ACACA: variants seen among roughly 807,000 people sequenced by gnomAD.
The protein encoded by ACACA is acetyl-CoA carboxylase alpha.
ACACA carries 103 observed loss-of-function variants against 296.1 expected under a neutral mutation model. The observed-to-expected ratio is 0.35, with a 90% CI of 0.30 to 0.41. The LOEUF (loss-of-function observed/expected upper bound fraction) is 0.41, where lower values mean the gene tolerates loss of function less well. Among genes scored for constraint, ACACA ranks in the 10% least tolerant of loss-of-function variants. ACACA has a pLI of 1.00. For missense variants in ACACA, 1,554 were observed against 2,989.7 expected (o/e 0.52, Z 11.20); for synonymous variants, 953 against 1,038.6 (o/e 0.92, Z 1.58).
intron 41 of ACACA, among the ~76,000 whole-genome samples, chr17:37,168,167 A>G (rs1214454444): frequency 6.6e-6 from 1 of 152,190 alleles, no homozygotes; most frequent in Non-Finnish European, 1.5e-5. Context: ...AATCTACGGC[A>G]TAAGTTTGTT....
chr17:37,264,164 T>C lies in ACACA; in HGVS notation c.1120-270A>G, dbSNP rs560333661. Among the ~76,000 whole-genome samples, 7 of 152,302 alleles carry C rather than the reference T, an allele frequency of 4.6e-5. No individual in the cohort carries two copies. In the South Asian group the frequency reaches 1.5e-3, roughly 32 times the overall value. On this transcript the variant is annotated intron_variant, in intron 10 of 55. Transcript: ENST00000616317. ...TCACAAAGGTAAACAACAAAATATTTGAAAACATAGGCACATACACAAATC... is the reference window on the plus strand; with the variant it reads ...TCACAAAGGTAAACAACAAAATATTCGAAAACATAGGCACATACACAAATC...
intron 25 of ACACA, among the ~76,000 whole-genome samples, chr17:37,233,567 A>G (rs1289958227): frequency 2.6e-5 from 4 of 152,160 alleles, no homozygotes; most frequent in African/African-American, 9.7e-5. Context: ...GCTTCCTATA[A>G]AGGCAAATTC....
chr17:37,360,680 TA>T (rs1027766574), intron 1 of ACACA, among the ~76,000 whole-genome samples: 1 of 150,448 alleles, frequency 6.6e-6, no homozygotes, highest in African/African-American at 2.4e-5. Context: ...CATCTCTAAA[TA>T]AATAAGTTAA....
intron 3 of ACACA, among the ~76,000 whole-genome samples, chr17:37,293,215 T>A (rs1168342104): frequency 6.6e-6 from 1 of 152,246 alleles, no homozygotes; most frequent in Non-Finnish European, 1.5e-5. Flanking sequence ...CATTGTTTCA[T>A]AAATAACCTT....
chr17:37,221,593 T>G (rs1232142473), intron 29 of ACACA, 131 bp downstream of exon 29: 3 of 818,818 alleles, frequency 3.7e-6, no homozygotes, highest in Non-Finnish European at 2.2e-6. Flanking sequence ...TCTTCTCTTT[T>G]GGTTCATATT....
At chr17:37,241,340 T>G (rs1165078563) in intron 23 of ACACA, among the ~76,000 whole-genome samples, 1 of 152,072 alleles carries the variant, frequency 6.6e-6, no homozygotes, top group Non-Finnish European at 1.5e-5. Context: ...TACTGGGCCC[T>G]GTGACAGAAG....
Position 37,113,023 on chromosome 17 carries a change from C to T in ACACA, c.6452+65G>A. 1 of 1,596,202 alleles carries T rather than the reference C, an allele frequency of 6.3e-7. No homozygotes were observed. Among genetic ancestry groups the T allele is most frequent in the South Asian group, 1.1e-5 (1 of 90,104 alleles). On this transcript the variant is annotated intron_variant, in intron 51 of 55. Coordinates refer to ENST00000616317, the MANE Select transcript of ACACA (RefSeq NM_198834.3). This position sits in a 1 kb window ranked among gnomAD's most constrained non-coding sequence, Gnocchi z 4.0. ...GTAGTGCCATGGCTGTAACATTCTCCAGGAGGAAACCAACAGCTACAGGGT... is the reference window on the plus strand; with the variant it reads ...GTAGTGCCATGGCTGTAACATTCTCTAGGAGGAAACCAACAGCTACAGGGT...
chr17:37,159,245 T>C lies in ACACA; in HGVS notation c.5349+2536A>G, dbSNP rs375590861. Among the ~76,000 whole-genome samples the C allele has an allele frequency of 9.2e-5, 14 of 152,108 alleles. No homozygotes were observed. In the East Asian group the frequency reaches 1.7e-3, roughly 19 times the overall value. On this transcript the variant is annotated intron_variant, in intron 42 of 55. Transcript: ENST00000616317. ...CATTTTGGTTTTTAAAGTTTTTTTT[T>C]AGTCTCACTCTGTCACCCAGGCTGA...
chr17:37,284,633 A>G (rs1156683399), intron 4 of ACACA, among the ~76,000 whole-genome samples: 1 of 152,198 alleles, frequency 6.6e-6, no homozygotes, highest in Non-Finnish European at 1.5e-5. Context: ...CTATGATTAA[A>G]TTATCTGTGG....
intron 1 of ACACA, among the ~76,000 whole-genome samples, chr17:37,344,332 C>T (rs1372587058): frequency 6.6e-6 from 1 of 151,810 alleles, no homozygotes; most frequent in Non-Finnish European, 1.5e-5. Flanking sequence ...ATGAGACAGG[C>T]TGATTGCTTG....
Position 37,098,602 on chromosome 17 carries a change from T to C in ACACA, c.6566-618A>G, listed in dbSNP as rs566379350. On this transcript the variant is annotated intron_variant, in intron 52 of 55. Coordinates refer to ENST00000616317, the MANE Select transcript of ACACA (RefSeq NM_198834.3). ...TAGTAGAACTCAATCTAATTAGAGC[T>C]AGATCCTCACATCTTGTGTCAGCTC... Among the ~76,000 whole-genome samples, 54 of 152,386 alleles carry C rather than the reference T, an allele frequency of 3.5e-4. No homozygotes were observed. In the Middle Eastern group the frequency reaches 0.01, roughly 29 times the overall value.
intron 19 of ACACA, among the ~76,000 whole-genome samples, chr17:37,245,889 C>G (rs1040303945): frequency 2.0e-5 from 3 of 152,168 alleles, no homozygotes; most frequent in African/African-American, 7.2e-5. Context: ...ACCTCACATT[C>G]AAGATCTCAC....
chr17:37,264,741 A>G (rs1567907252), intron 10 of ACACA, among the ~76,000 whole-genome samples: 1 of 152,174 alleles, frequency 6.6e-6, no homozygotes, highest in African/African-American at 2.4e-5. Flanking sequence ...CTTAAAGTAC[A>G]TGATGTTAGA....
At chr17:37,096,379 G>C (rs1173941817) in intron 54 of ACACA, among the ~76,000 whole-genome samples, 1 of 152,128 alleles carries the variant, frequency 6.6e-6, no homozygotes, top group Non-Finnish European at 1.5e-5. Context: ...ATGTTCCTTT[G>C]ATGCATGTTA....
At chr17:37,124,081 C>T (rs1197145914) in intron 48 of ACACA, among the ~76,000 whole-genome samples, 1 of 152,210 alleles carries the variant, frequency 6.6e-6, no homozygotes, top group Non-Finnish European at 1.5e-5. Flanking sequence ...TCCAAACATA[C>T]ATACCAAAGA....
chr17:37,219,671 A>T (rs564396005), intron 29 of ACACA, among the ~76,000 whole-genome samples: 51 of 148,882 alleles, frequency 3.4e-4, no homozygotes, highest in African/African-American at 4.6e-4. Context: ...TATATATATA[A>T]AAAACATATT....
intron 25 of ACACA, among the ~76,000 whole-genome samples, chr17:37,229,501 C>CT: frequency 6.6e-6 from 1 of 151,834 alleles, no homozygotes; most frequent in Middle Eastern, 3.4e-3. Context: ...GATGGGGTTT[C>CT]ACCGTGTTAA....
chr17:37,303,192 A>C (rs2083712339), intron 3 of ACACA, among the ~76,000 whole-genome samples: 2 of 152,158 alleles, frequency 1.3e-5, no homozygotes, highest in Admixed American at 6.5e-5. Flanking sequence ...GCCAACCACT[A>C]ATCTACTTTC....
intron 1 of ACACA, among the ~76,000 whole-genome samples, chr17:37,357,618 G>A (rs1230002648): frequency 6.6e-6 from 1 of 152,150 alleles, no homozygotes; most frequent in African/African-American, 2.4e-5. Context: ...ATATTCTTGG[G>A]TTCACATCAG....
Sources: gnomAD v4.1 joint callset for allele counts (sites outside exome capture counted in the v4.1 genomes callset) on GRCh38, gnomAD v4.1.1 for gene constraint, Gnocchi (gnomAD v3.1) non-coding constraint, MANE v1.5 for transcripts, NCBI Gene and HGNC (gene_info 2026-07-23, HGNC 2026-07-21) for gene names.